Variants in SLC2A13 observed in about 807,000 individuals in gnomAD.
The protein encoded by SLC2A13 is proton myo-inositol cotransporter.
Under a neutral mutation model 64.4 loss-of-function variants are expected in SLC2A13, and 32 were observed. The ratio of observed to expected loss-of-function variants is 0.50; its 90% CI spans 0.37 to 0.67. SLC2A13 has a LOEUF of 0.67. Among genes scored for constraint, SLC2A13 ranks in the 30% least tolerant of loss-of-function variants. The pLI is 0.00. For missense variants in SLC2A13, 743 were observed against 829.2 expected (o/e 0.90, Z 1.28); for synonymous variants, 338 against 327.1 (o/e 1.03, Z -0.36).
intron 7 of SLC2A13, among the ~76,000 whole-genome samples, chr12:39,782,250 T>C (rs1244053585): frequency 6.6e-6 from 1 of 152,190 alleles, no homozygotes; most frequent in African/African-American, 2.4e-5. Flanking sequence ...ATGGTTTGGC[T>C]GTGTCCCCAC....
At chr12:39,856,434 T>C (rs1412939071) in intron 6 of SLC2A13, among the ~76,000 whole-genome samples, 1 of 152,222 alleles carries the variant, frequency 6.6e-6, no homozygotes, top group African/African-American at 2.4e-5. Context: ...AGTGGCGTGA[T>C]CTCGGCTCAC....
chr12:40,078,156 G>A (rs1019848684), intron 1 of SLC2A13, among the ~76,000 whole-genome samples: 2 of 152,084 alleles, frequency 1.3e-5, no homozygotes, highest in South Asian at 4.1e-4. Flanking sequence ...TCTCTTGCAT[G>A]ATTGCTCTGG....
intron 4 of SLC2A13, among the ~76,000 whole-genome samples, chr12:39,914,420 T>C (rs1380832025): frequency 6.6e-6 from 1 of 152,026 alleles, no homozygotes; most frequent in African/African-American, 2.4e-5. Context: ...GACAGAGAAC[T>C]CTGAAAGAAC....
intron 7 of SLC2A13, among the ~76,000 whole-genome samples, chr12:39,791,187 A>G (rs1941390505): frequency 6.6e-6 from 1 of 151,680 alleles, no homozygotes; most frequent in South Asian, 2.1e-4. Flanking sequence ...TTCATGCTAA[A>G]AACTCTCAAT....
Position 39,970,474 on chromosome 12 carries a change from C to T in SLC2A13, c.926-19109G>A, listed in dbSNP as rs138097184. Among the ~76,000 whole-genome samples the T allele has an allele frequency of 4.3e-3, 657 of 152,224 alleles. 3 individuals carry two copies. The highest frequency in any genetic ancestry group is 0.015 in the African/African-American group (621 of 41,532). On this transcript the variant is annotated intron_variant, in intron 3 of 9. Transcript: ENST00000280871. Reference sequence around the variant, plus strand: ...TTCTTTTTTAATACACTCATTGGTACCTTTGCCTTTTGTGATACTACAGAA... The same window carrying T: ...TTCTTTTTTAATACACTCATTGGTATCTTTGCCTTTTGTGATACTACAGAA...
intron 1 of SLC2A13, among the ~76,000 whole-genome samples, chr12:40,052,318 G>A (rs551485496): frequency 2.6e-5 from 4 of 151,984 alleles, no homozygotes; most frequent in Non-Finnish European, 4.4e-5. Flanking sequence ...TAAGGTCTTC[G>A]CCAGAATAAC....
At chr12:39,791,233 A>G (rs550278322) in intron 7 of SLC2A13, among the ~76,000 whole-genome samples, 1,516 of 147,868 alleles carry the variant, frequency 0.01, 20 homozygotes, top group African/African-American at 0.035. Flanking sequence ...TCAAAATAAT[A>G]AGAGCTATCT....
intron 7 of SLC2A13, among the ~76,000 whole-genome samples, chr12:39,771,496 A>G (rs1178313524): frequency 6.6e-6 from 1 of 152,094 alleles, no homozygotes; most frequent in Non-Finnish European, 1.5e-5. Context: ...ACCACAAATT[A>G]CTGAATTCTG....
At chr12:39,924,164 C>G (rs1218117235) in intron 4 of SLC2A13, among the ~76,000 whole-genome samples, 1 of 151,924 alleles carries the variant, frequency 6.6e-6, no homozygotes, top group Non-Finnish European at 1.5e-5. Context: ...ATAAAATATC[C>G]TATACTTTTG....
At chr12:40,061,631 C>T (rs1948424846) in intron 1 of SLC2A13, among the ~76,000 whole-genome samples, 2 of 151,994 alleles carry the variant, frequency 1.3e-5, no homozygotes, top group Non-Finnish European at 2.9e-5. Flanking sequence ...CAATACTATA[C>T]CATTTTATAC....
rs778155442 is a variant in SLC2A13 at position 40,049,407 on chromosome 12, C to T, written c.557-1197G>A. Among the ~76,000 whole-genome samples the T allele has an allele frequency of 2.6e-5, 4 of 152,026 alleles. No individual in the cohort carries two copies. In the East Asian group the frequency reaches 5.8e-4, roughly 22 times the overall value. On this transcript the variant is annotated intron_variant, in intron 1 of 9. Coordinates refer to ENST00000280871, the MANE Select transcript of SLC2A13 (RefSeq NM_052885.4). ...TGTTGAAGGAATCAGTACTAAGAAA[C>T]CTGTTGCTGTGTTTTCTGTACAAGT...
chr12:39,882,191 G>T (rs1268892998), intron 4 of SLC2A13, among the ~76,000 whole-genome samples: 1 of 151,982 alleles, frequency 6.6e-6, no homozygotes, highest in East Asian at 1.9e-4. Context: ...AAACCAGAGG[G>T]TCTCAGATAT....
intron 4 of SLC2A13, among the ~76,000 whole-genome samples, chr12:39,937,803 C>T (rs1945941703): frequency 6.6e-6 from 1 of 152,120 alleles, no homozygotes; most frequent in African/African-American, 2.4e-5. Context: ...AGCTACAGAT[C>T]CCCCACCATC....
chr12:40,051,850 ATAGGG>A (rs1182371770), intron 1 of SLC2A13, among the ~76,000 whole-genome samples: 1 of 152,114 alleles, frequency 6.6e-6, no homozygotes, highest in Non-Finnish European at 1.5e-5. Flanking sequence ...AAGCCTCTGA[ATAGGG>A]TAGAAGAGGA....
At chr12:40,047,154 G>T (rs1015262875) in intron 2 of SLC2A13, among the ~76,000 whole-genome samples, 2 of 152,024 alleles carry the variant, frequency 1.3e-5, no homozygotes, top group African/African-American at 2.4e-5. Flanking sequence ...CGCCCACCTT[G>T]GCCTCCTGAA....
chr12:39,922,493 T>A (rs955570372), intron 4 of SLC2A13, among the ~76,000 whole-genome samples: 1 of 152,196 alleles, frequency 6.6e-6, no homozygotes, highest in African/African-American at 2.4e-5. Flanking sequence ...CTATTATCTA[T>A]CTTTTTAAGG....
At chr12:39,823,955 A>G (rs900152119) in intron 7 of SLC2A13, among the ~76,000 whole-genome samples, 4 of 152,326 alleles carry the variant, frequency 2.6e-5, no homozygotes, top group Admixed American at 2.6e-4. Flanking sequence ...GGAAATAAGT[A>G]TGGATGCAAA....
intron 4 of SLC2A13, among the ~76,000 whole-genome samples, chr12:39,909,894 A>C (rs938674790): frequency 6.6e-6 from 1 of 150,934 alleles, no homozygotes; most frequent in African/African-American, 2.4e-5. Context: ...AATAACATAG[A>C]GTGTGCCTCC....
At chr12:39,776,468 A>G (rs1363799676) in intron 7 of SLC2A13, among the ~76,000 whole-genome samples, 1 of 152,244 alleles carries the variant, frequency 6.6e-6, no homozygotes, top group African/African-American at 2.4e-5. Flanking sequence ...GCTGTATACC[A>G]GAGAATGATG....
Sources: gnomAD v4.1 joint callset for allele counts (sites outside exome capture counted in the v4.1 genomes callset) on GRCh38, gnomAD v4.1.1 for gene constraint, MANE v1.5 for transcripts, NCBI Gene and HGNC (gene_info 2026-07-23, HGNC 2026-07-21) for gene names.